The following ZNF385D variants were observed in gnomAD, a reference collection of about 807,000 sequenced individuals.
The protein encoded by ZNF385D is zinc finger protein 385D, also known as zinc finger protein 659.
A neutral mutation model predicts 35.8 loss-of-function variants in ZNF385D; 15 were observed. That is an observed-to-expected ratio of 0.42 (90% CI 0.28 to 0.64). The LOEUF (loss-of-function observed/expected upper bound fraction) is 0.64, where lower values mean the gene tolerates loss of function less well. Among genes scored for constraint, ZNF385D ranks in the 30% least tolerant of loss-of-function variants. ZNF385D has a pLI of 0.23. For synonymous variants in ZNF385D, 212 were observed against 186.8 expected (o/e 1.13, Z -1.10); for missense variants, 474 against 494.6 (o/e 0.96, Z 0.39).
chr3:21,978,915 G>A (rs575548963), intron 3 of ZNF385D, among the ~76,000 whole-genome samples: 2 of 152,056 alleles, frequency 1.3e-5, no homozygotes, highest in African/African-American at 4.8e-5. Flanking sequence ...AGTAAAATAT[G>A]TGAAAAAACA....
intron 2 of ZNF385D, among the ~76,000 whole-genome samples, chr3:22,320,296 G>T (rs1170027462): frequency 6.6e-6 from 1 of 152,034 alleles, no homozygotes; most frequent in Non-Finnish European, 1.5e-5. Context: ...AATAGCATTA[G>T]TATTCTAGTA....
At chr3:21,702,449 GGCCTGT>G (rs2067725635) in intron 1 of ZNF385D, among the ~76,000 whole-genome samples, 1 of 152,194 alleles carries the variant, frequency 6.6e-6, no homozygotes, top group Non-Finnish European at 1.5e-5. Context: ...TGGGCCTCCA[GGCCTGT>G]GATGGGAGGG....
At chr3:21,839,056 A>T (rs369954550) in intron 3 of ZNF385D, among the ~76,000 whole-genome samples, 6 of 152,074 alleles carry the variant, frequency 3.9e-5, no homozygotes, top group East Asian at 1.9e-4. Flanking sequence ...AATAATAATT[A>T]AAGGTTATTA....
chr3:21,660,836 T>C (rs1234875210), intron 2 of ZNF385D, among the ~76,000 whole-genome samples: 6 of 152,192 alleles, frequency 3.9e-5, no homozygotes, highest in African/African-American at 1.4e-4. Flanking sequence ...CTCTGATAGA[T>C]TTAGCCTTTG....
intron 3 of ZNF385D, among the ~76,000 whole-genome samples, chr3:21,864,909 A>G (rs1273595822): frequency 6.6e-6 from 1 of 151,500 alleles, no homozygotes; most frequent in Admixed American, 6.6e-5. Flanking sequence ...TTGAGAGTTT[A>G]TAGTGCTACT....
At chr3:21,604,258 G>C (rs1224429746) in intron 2 of ZNF385D, among the ~76,000 whole-genome samples, 1 of 151,888 alleles carries the variant, frequency 6.6e-6, no homozygotes, top group Non-Finnish European at 1.5e-5. Flanking sequence ...AGTCTGCTCT[G>C]TGTGTAGAAG....
chr3:21,662,936 C>A (rs1042907746), intron 2 of ZNF385D, among the ~76,000 whole-genome samples: 2 of 152,172 alleles, frequency 1.3e-5, no homozygotes, highest in Non-Finnish European at 2.9e-5. Context: ...ACCCACACAA[C>A]CCTTACCACA....
At chr3:21,426,814 A>T (rs1701047116) in intron 5 of ZNF385D, among the ~76,000 whole-genome samples, 1 of 152,190 alleles carries the variant, frequency 6.6e-6, no homozygotes, top group African/African-American at 2.4e-5. Flanking sequence ...CATTATATTA[A>T]GTAAGGGACA....
rs559706260 is a variant in ZNF385D at position 22,207,892 on chromosome 3, C to G, written c.107-38857G>C. Among the ~76,000 whole-genome samples the G allele has an allele frequency of 2.6e-5, 4 of 151,974 alleles. No individual in the cohort carries two copies. The South Asian group carries it at 8.3e-4, about 32-fold the overall frequency. ...AGCTACAATGAGATGTCACCTCACC[C>G]TAGTCAAAATAGCTTTGGTCCAAAA... On this transcript the variant is annotated intron_variant, in intron 2 of 5. Transcript: ENST00000494108.
chr3:21,925,736 T>C (rs968352533), intron 3 of ZNF385D, among the ~76,000 whole-genome samples: 1 of 152,006 alleles, frequency 6.6e-6, no homozygotes, highest in Admixed American at 6.6e-5. Flanking sequence ...CCAAAAATGA[T>C]TAGTATCTAG....
chr3:22,246,108 G>A (rs565509326), intron 2 of ZNF385D, among the ~76,000 whole-genome samples: 1 of 152,120 alleles, frequency 6.6e-6, no homozygotes, highest in African/African-American at 2.4e-5. Context: ...CACAGATCAT[G>A]AGAAAATGAT....
At chr3:21,717,220 A>G (rs2068358452) in intron 1 of ZNF385D, among the ~76,000 whole-genome samples, 2 of 152,234 alleles carry the variant, frequency 1.3e-5, no homozygotes, top group Admixed American at 6.5e-5. Flanking sequence ...GACTGAAAAA[A>G]TACAAGGCAA....
chr3:22,344,390 T>C (rs950796484), intron 2 of ZNF385D, among the ~76,000 whole-genome samples: 1 of 152,038 alleles, frequency 6.6e-6, no homozygotes, highest in Non-Finnish European at 1.5e-5. Flanking sequence ...TTATTGTTGC[T>C]GTTGTTTTAG....
rs183907853 is a variant in ZNF385D, at chr3:21,645,184, C to G, written c.165+19702G>C. Among the ~76,000 whole-genome samples the G allele has an allele frequency of 3.9e-3, 596 of 152,222 alleles. 2 individuals are homozygous for G. Among genetic ancestry groups the G allele is most frequent in the Admixed American group, 5.3e-3 (81 of 15,286 alleles). On this transcript the variant is annotated intron_variant, in intron 2 of 7. Coordinates refer to ENST00000281523, the MANE Select transcript of ZNF385D (RefSeq NM_024697.3). ...AGGTTATTTTGCCCACTGGCAGTAC[C>G]GGAATTGGCAAAGCTGTACTTTCAA...
At chr3:22,030,072 G>C (rs895347398) in intron 3 of ZNF385D, among the ~76,000 whole-genome samples, 1 of 151,104 alleles carries the variant, frequency 6.6e-6, no homozygotes, top group African/African-American at 2.4e-5. Context: ...AAACATGCAA[G>C]AGTGAGATGA....
intron 2 of ZNF385D, among the ~76,000 whole-genome samples, chr3:21,649,960 A>C (rs1450706716): frequency 6.6e-6 from 1 of 152,142 alleles, no homozygotes; most frequent in Non-Finnish European, 1.5e-5. Context: ...TCATGGCTGC[A>C]GACCACCTAA....
At chr3:22,152,743 G>A (rs965794103) in intron 3 of ZNF385D, among the ~76,000 whole-genome samples, 5 of 152,096 alleles carry the variant, frequency 3.3e-5, no homozygotes, top group Admixed American at 1.3e-4. Context: ...ATTTGATCAC[G>A]TATGTGGAGT....
chr3:22,032,966 C>T (rs1425664773), intron 3 of ZNF385D, among the ~76,000 whole-genome samples: 1 of 152,080 alleles, frequency 6.6e-6, no homozygotes, highest in Non-Finnish European at 1.5e-5. Flanking sequence ...AAAGTTTGAT[C>T]TGCATCATTC....
chr3:21,949,004 T>A (rs1701928485), intron 3 of ZNF385D, among the ~76,000 whole-genome samples: 1 of 152,182 alleles, frequency 6.6e-6, no homozygotes, highest in Non-Finnish European at 1.5e-5. Flanking sequence ...GTATTTCATG[T>A]CCTTACTTAA....
Sources: gnomAD v4.1 joint callset for allele counts (sites outside exome capture counted in the v4.1 genomes callset) on GRCh38, gnomAD v4.1.1 for gene constraint, MANE v1.5 for transcripts, NCBI Gene and HGNC (gene_info 2026-07-23, HGNC 2026-07-21) for gene names.